The following MAGI1 variants were observed in gnomAD, a reference collection of about 807,000 sequenced individuals.
MAGI1 encodes membrane-associated guanylate kinase, WW and PDZ domain-containing protein 1.
A neutral mutation model predicts 139.9 loss-of-function variants in MAGI1; 58 were observed. The observed-to-expected ratio is 0.41, with a 90% CI of 0.34 to 0.52. The LOEUF (loss-of-function observed/expected upper bound fraction) is 0.52. MAGI1 is among the 20% of genes least tolerant of loss of function. MAGI1 has a pLI of 0.12. For synonymous variants in MAGI1, 812 were observed against 737.9 expected (o/e 1.10, Z -1.63); for missense variants, 1,874 against 1,901.6 (o/e 0.99, Z 0.27).
rs57320755 is a variant in MAGI1 at position 66,028,539 on chromosome 3, T to G, written c.313+9457A>C. 9.2e-3 allele frequency among the ~76,000 whole-genome samples: 870 copies of G among 95,058 alleles called. 8 individuals are homozygous for G. Among genetic ancestry groups the G allele is most frequent in the African/African-American group, 0.025 (788 of 31,156 alleles). 62.4% of individuals were successfully genotyped at this position (95,058 alleles called of 152,430 possible). On this transcript the variant is annotated intron_variant, in intron 1 of 22. Coordinates refer to ENST00000402939, the MANE Select transcript of MAGI1 (RefSeq NM_001033057.2). The stretch of plus-strand genomic sequence containing the variant: ...CTAAGCCCCACTGCTTCCCCAGCCA[T>G]TCCTGATGTAGGAGCCCAGACGTGG...
chr3:65,695,163 G>A (rs768042098), intron 1 of MAGI1, among the ~76,000 whole-genome samples: 4 of 152,116 alleles, frequency 2.6e-5, no homozygotes, highest in Admixed American at 6.6e-5. Context: ...AGAGATAACC[G>A]ATAAGGTAGA....
At chr3:65,564,670 T>C (rs2080526064) in intron 2 of MAGI1, among the ~76,000 whole-genome samples, 1 of 152,224 alleles carries the variant, frequency 6.6e-6, no homozygotes, top group Admixed American at 6.5e-5. Context: ...CCTCGTCTCA[T>C]GTTCAATAGC....
chr3:65,909,377 T>A (rs917045106), intron 1 of MAGI1, among the ~76,000 whole-genome samples: 6 of 149,284 alleles, frequency 4.0e-5, no homozygotes, highest in African/African-American at 7.5e-5. Context: ...AAAAAAAAAA[T>A]TGTTTAATTA....
At chr3:65,565,499 C>G (rs2080573490) in intron 2 of MAGI1, among the ~76,000 whole-genome samples, 2 of 152,148 alleles carry the variant, frequency 1.3e-5, no homozygotes. Flanking sequence ...CTTCACTTCT[C>G]AGATCCTCAA....
At chr3:65,459,171 T>C (rs1048656234) in intron 5 of MAGI1, among the ~76,000 whole-genome samples, 4 of 152,234 alleles carry the variant, frequency 2.6e-5, no homozygotes, top group Non-Finnish European at 5.9e-5. Context: ...TGTCTGCTTT[T>C]ATGCCAGTAC....
rs55814110 is a variant in MAGI1 at position 65,802,848 on chromosome 3, C to CTGTGTGTGTGTGTG, written c.314-180774_314-180761dup. Among the ~76,000 whole-genome samples, 484 of 138,218 alleles carry CTGTGTGTGTGTGTG rather than the reference C, an allele frequency of 3.5e-3. 5 individuals are homozygous for CTGTGTGTGTGTGTG. The highest frequency in any genetic ancestry group is 0.015 in the South Asian group (59 of 3,840). 90.7% of individuals were successfully genotyped at this position (138,218 alleles called of 152,430 possible). A position where few individuals can be genotyped will look rare whatever the true frequency, so the allele number is the denominator to read the frequency against. On this transcript the variant is annotated intron_variant, in intron 1 of 22. Transcript: ENST00000402939. The stretch of plus-strand genomic sequence containing the variant: ...AACTCCACTCAAAAGATCATCTCAT[C>CTGTGTGTGTGTGTG]TGTGTGTGTGTGTGTGTGTGTGTGT...
At chr3:65,961,247 C>T (rs1033828558) in intron 1 of MAGI1, among the ~76,000 whole-genome samples, 1 of 152,150 alleles carries the variant, frequency 6.6e-6, no homozygotes, top group African/African-American at 2.4e-5. Context: ...TCTGTCCAGT[C>T]GAAGAATTAG....
At chr3:65,582,978 A>G (rs1337502242) in intron 2 of MAGI1, among the ~76,000 whole-genome samples, 1 of 152,242 alleles carries the variant, frequency 6.6e-6, no homozygotes, top group Non-Finnish European at 1.5e-5. Flanking sequence ...AATGTTAAAA[A>G]TAAGTCAAAC....
At chr3:65,970,305 A>C (rs755825158) in intron 1 of MAGI1, among the ~76,000 whole-genome samples, 10 of 152,192 alleles carry the variant, frequency 6.6e-5, no homozygotes, top group Non-Finnish European at 1.5e-4. Context: ...TCATAGAGCT[A>C]GAATACAATG....
intron 1 of MAGI1, among the ~76,000 whole-genome samples, chr3:65,795,034 T>C (rs142247482): frequency 1.3e-5 from 2 of 152,164 alleles, no homozygotes; most frequent in Non-Finnish European, 2.9e-5. Flanking sequence ...ACAGGTAAAA[T>C]CAAAAACAGT....
intron 14 of MAGI1, chr3:65,387,205 G>A (rs141982446): frequency 5.8e-5 from 93 of 1,613,740 alleles, no homozygotes; most frequent in Non-Finnish European, 7.2e-5. Context: ...GCTCAATCCC[G>A]ACGCAGGTGA....
At chr3:65,469,936 A>G (rs1465032376) in intron 5 of MAGI1, 1 of 147,908 alleles carries the variant, frequency 6.8e-6, no homozygotes, top group Non-Finnish European at 1.5e-5. Flanking sequence ...AAATATTTAT[A>G]AATATATTTA....
chr3:65,442,278 C>T (rs886216774), intron 8 of MAGI1, among the ~76,000 whole-genome samples: 1 of 152,102 alleles, frequency 6.6e-6, no homozygotes, highest in African/African-American at 2.4e-5. Context: ...ACAAAGTCTG[C>T]ATCCTAGGCT....
intron 2 of MAGI1, among the ~76,000 whole-genome samples, chr3:65,549,244 C>T (rs1021403039): frequency 1.3e-5 from 2 of 152,070 alleles, no homozygotes; most frequent in Admixed American, 6.5e-5. Context: ...GCGTTCCAGC[C>T]GCTCCCCGGC....
At chr3:65,367,060 G>A (rs924157563) in intron 18 of MAGI1, among the ~76,000 whole-genome samples, 5 of 152,146 alleles carry the variant, frequency 3.3e-5, no homozygotes, top group African/African-American at 7.2e-5. Flanking sequence ...ATAAACACGT[G>A]TATTGGTCCT....
chr3:66,012,519 C>A (rs777810726), intron 1 of MAGI1, among the ~76,000 whole-genome samples: 1 of 151,832 alleles, frequency 6.6e-6, no homozygotes, highest in Non-Finnish European at 1.5e-5. Flanking sequence ...AACAGACAAC[C>A]ATTTGGGAGC....
intron 1 of MAGI1, among the ~76,000 whole-genome samples, chr3:65,720,835 C>T (rs2032924821): frequency 6.6e-6 from 1 of 152,038 alleles, no homozygotes; most frequent in African/African-American, 2.4e-5. Context: ...CTGCAACCTC[C>T]ACCTCCCAGG....
At chr3:65,362,048 G>T (rs1235256153) in intron 21 of MAGI1, among the ~76,000 whole-genome samples, 1 of 152,170 alleles carries the variant, frequency 6.6e-6, no homozygotes, top group East Asian at 1.9e-4. Context: ...CACTCAAATA[G>T]AGCTTATATT....
rs979473269 is a variant in MAGI1, at chr3:65,731,095, G to A, written c.314-109007C>T. Among the ~76,000 whole-genome samples, 4 of 152,086 alleles carry A rather than the reference G, an allele frequency of 2.6e-5. 1 individual carries two copies. In the South Asian group the frequency reaches 8.3e-4, roughly 32 times the overall value. On this transcript the variant is annotated intron_variant, in intron 1 of 22. Transcript: ENST00000402939. ...GCATTTCTTCCAGTTTCCCTGAAGG[G>A]TGATCAAAATGTCCATTTAAAACAT...
Sources: gnomAD v4.1 joint callset for allele counts (sites outside exome capture counted in the v4.1 genomes callset) on GRCh38, gnomAD v4.1.1 for gene constraint, MANE v1.5 for transcripts, NCBI Gene and HGNC (gene_info 2026-07-23, HGNC 2026-07-21) for gene names.